The following PCLO variants were observed in gnomAD, a reference collection of about 807,000 sequenced individuals.
PCLO encodes protein piccolo.
A neutral mutation model predicts 427.5 loss-of-function variants in PCLO; 82 were observed. The observed-to-expected ratio is 0.19, with a 90% CI of 0.16 to 0.23. The LOEUF is 0.23. Among genes scored for constraint, PCLO ranks in the 10% least tolerant of loss-of-function variants. PCLO has a pLI of 1.00. For synonymous variants in PCLO, 2,357 were observed against 2,155.4 expected (o/e 1.09, Z -2.59); for missense variants, 6,239 against 6,115.9 (o/e 1.02, Z -0.67).
intron 3 of PCLO, among the ~76,000 whole-genome samples, chr7:83,087,202 C>A (rs891074317): frequency 7.3e-6 from 1 of 137,270 alleles, no homozygotes; most frequent in Non-Finnish European, 1.5e-5. Flanking sequence ...GCACATGTAC[C>A]CTAGAACTTA....
At chr7:82,861,886 A>G (rs1792966101) in intron 10 of PCLO, among the ~76,000 whole-genome samples, 1 of 152,060 alleles carries the variant, frequency 6.6e-6, no homozygotes, top group Non-Finnish European at 1.5e-5. Flanking sequence ...GTGGATCAAT[A>G]AAGAAATTTA....
At chr7:83,075,728 A>T (rs1453021041) in intron 3 of PCLO, among the ~76,000 whole-genome samples, 1 of 152,188 alleles carries the variant, frequency 6.6e-6, no homozygotes, top group Non-Finnish European at 1.5e-5. Context: ...GTATATACAC[A>T]CATACACACA....
At chr7:82,893,167 C>A (rs1178804913) in intron 9 of PCLO, among the ~76,000 whole-genome samples, 3 of 152,008 alleles carry the variant, frequency 2.0e-5, no homozygotes. Flanking sequence ...AGACTTGGAA[C>A]CAAGCCAAAT....
At chr7:83,075,065 C>T (rs1789916228) in intron 3 of PCLO, among the ~76,000 whole-genome samples, 1 of 152,050 alleles carries the variant, frequency 6.6e-6, no homozygotes, top group Admixed American at 6.6e-5. Flanking sequence ...ATCATGTCAC[C>T]ACGTTAGTAT....
chr7:82,783,703 T>C (rs186745692), intron 22 of PCLO, among the ~76,000 whole-genome samples: 1 of 152,142 alleles, frequency 6.6e-6, no homozygotes, highest in Non-Finnish European at 1.5e-5. Context: ...ATATTGTTTT[T>C]AAATTAATTA....
At chr7:82,906,006 T>TACAG (rs1554350000) in intron 8 of PCLO, among the ~76,000 whole-genome samples, 5 of 146,628 alleles carry the variant, frequency 3.4e-5, no homozygotes, top group African/African-American at 5.1e-5. Flanking sequence ...AGGTTAAGCA[T>TACAG]ATAGATAGAT....
In PCLO at chr7:83,162,710, G is replaced by T; in HGVS notation, c.-118C>A. 1 of 1,327,372 alleles carries T rather than the reference G, an allele frequency of 7.5e-7. No individual in the cohort carries two copies. The highest frequency in any genetic ancestry group is 1.0e-6 in the Non-Finnish European group (1 of 1,000,954). The allele number at this position is 1,327,372 out of a possible 1,614,324, so 82.2% of individuals were successfully genotyped here. A position where few individuals can be genotyped will look rare whatever the true frequency, so the allele number is the denominator to read the frequency against. On this transcript the variant is annotated 5_prime_UTR_variant, in exon 1 of 25. Transcript: ENST00000333891. ...CGCCTCGGGGCGTGCAGGCAGCCGA[G>T]TCCCTGGACTCTGGACCAGGCACTG...
intron 3 of PCLO, among the ~76,000 whole-genome samples, chr7:83,047,364 T>G (rs780469841): frequency 6.6e-6 from 1 of 152,028 alleles, no homozygotes; most frequent in Non-Finnish European, 1.5e-5. Flanking sequence ...GTATCACACA[T>G]AGTTTATACC....
At chr7:83,026,609 T>G (rs1208004803) in intron 3 of PCLO, among the ~76,000 whole-genome samples, 1 of 151,568 alleles carries the variant, frequency 6.6e-6, no homozygotes, top group Non-Finnish European at 1.5e-5. Context: ...GCAGACCTAA[T>G]AGACATCTAC....
In PCLO at chr7:82,881,863, A is replaced by T. The variant is rs140429823; in HGVS notation, c.13529-2401T>A. On this transcript the variant is annotated intron_variant, in intron 9 of 24. Transcript: ENST00000333891. ...TGGCTATATTGCCCAGGCTGGTTTC[A>T]ACCTCCTAGGCTCAAGTGACCCTTT... Among the ~76,000 whole-genome samples the T allele has an allele frequency of 1.6e-3, 243 of 152,044 alleles. 3 individuals are homozygous for T. The highest frequency in any genetic ancestry group is 4.7e-4 in the Non-Finnish European group (32 of 67,972).
At chr7:83,160,329 C>T (rs1284858424) in intron 1 of PCLO, among the ~76,000 whole-genome samples, 2 of 152,078 alleles carry the variant, frequency 1.3e-5, no homozygotes, top group Non-Finnish European at 2.9e-5. Flanking sequence ...ATTCTATGTT[C>T]AATTCACACC....
chr7:83,113,301 T>C (rs1160926301), intron 3 of PCLO, among the ~76,000 whole-genome samples: 1 of 152,226 alleles, frequency 6.6e-6, no homozygotes, highest in African/African-American at 2.4e-5. Flanking sequence ...TCTGGACAAC[T>C]CTTGCTATGT....
chr7:82,784,279 C>T (rs1790936558), intron 22 of PCLO, among the ~76,000 whole-genome samples: 1 of 152,140 alleles, frequency 6.6e-6, no homozygotes, highest in African/African-American at 2.4e-5. Flanking sequence ...ATTCTCTCCA[C>T]TGCTCACTTC....
In PCLO at chr7:82,916,638, T is replaced by C; in HGVS notation, c.11348A>G (p.Lys3783Arg). The C allele has an allele frequency of 1.9e-6, 3 of 1,613,684 alleles. No individual in the cohort carries two copies. Among genetic ancestry groups the C allele is most frequent in the Non-Finnish European group, 2.5e-6 (3 of 1,179,740 alleles). The part of the protein sequence containing the change: ...VERESAKLRK[K>R]QAELDEEEKE... ...TTCTTCTTCATCAAGCTCTGCTTGT[T>C]TCTTTCGAAGTTTTGCAGACTCCCT... Residue 3783 changes from lysine (K) to arginine (R), a missense_variant, in exon 7 of 25, where the codon AAA (lysine) becomes AGA (arginine). Around this residue, in one of 5 missense-constraint regions of PCLO, gnomAD observed 4,677 missense variants for 4,468.4 expected, o/e 1.05. Transcript: ENST00000333891.
chr7:82,850,289 G>A (rs1022563904), intron 10 of PCLO, among the ~76,000 whole-genome samples: 12 of 152,078 alleles, frequency 7.9e-5, no homozygotes, highest in African/African-American at 2.4e-4. Flanking sequence ...GATTACAGGC[G>A]TGAGCCACCA....
intron 6 of PCLO, among the ~76,000 whole-genome samples, chr7:82,948,234 C>T (rs1335337468): frequency 6.6e-6 from 1 of 151,682 alleles, no homozygotes; most frequent in African/African-American, 2.4e-5. Context: ...CCTGATTCTA[C>T]AGCTATTACC....
At chr7:82,934,990 A>G (rs908520696) in intron 6 of PCLO, among the ~76,000 whole-genome samples, 10 of 151,294 alleles carry the variant, frequency 6.6e-5, no homozygotes, top group Admixed American at 2.6e-4. Flanking sequence ...TTTAACATGC[A>G]TATTATATTA....
chr7:82,991,162 C>T (rs1420249420), intron 3 of PCLO, among the ~76,000 whole-genome samples: 1 of 152,028 alleles, frequency 6.6e-6, no homozygotes, highest in Non-Finnish European at 1.5e-5. Flanking sequence ...CCTTTTTGCC[C>T]AGCTAACTGT....
intron 2 of PCLO, among the ~76,000 whole-genome samples, chr7:83,141,637 C>T (rs1791864239): frequency 6.6e-6 from 1 of 152,164 alleles, no homozygotes; most frequent in Non-Finnish European, 1.5e-5. Flanking sequence ...CTGCTTAATT[C>T]AATCCTTGTG....
Sources: gnomAD v4.1 joint callset for allele counts (sites outside exome capture counted in the v4.1 genomes callset) on GRCh38, gnomAD v4.1.1 for gene constraint, gnomAD v4.1.1 regional missense constraint, MANE v1.5 for transcripts, NCBI Gene and HGNC (gene_info 2026-07-23, HGNC 2026-07-21) for gene names.